Variants in SLC25A48 observed in about 807,000 individuals in gnomAD.
SLC25A48 encodes the protein CTC-321K16.1.
SLC25A48 carries 29 observed loss-of-function variants against 32.2 expected under a neutral mutation model. The ratio of observed to expected loss-of-function variants is 0.90; its 90% confidence interval spans 0.67 to 1.23. The LOEUF (loss-of-function observed/expected upper bound fraction) is 1.23, where lower values mean the gene tolerates loss of function less well. SLC25A48 is among the 50% of genes most tolerant of loss of function. The probability of loss-of-function intolerance (pLI) is 0.00; values close to 1 mark genes in which losing one functional copy is unlikely to be tolerated. For synonymous variants in SLC25A48, 164 were observed against 172.3 expected (o/e 0.95, Z 0.38); for missense variants, 399 against 422.7 (o/e 0.94, Z 0.49).
chr5:135,659,934 C>T (rs901451633), intron 3 of SLC25A48, among the ~76,000 whole-genome samples: 9 of 152,244 alleles, frequency 5.9e-5, no homozygotes, highest in African/African-American at 2.2e-4. Flanking sequence ...GTGTCCCACC[C>T]ACCTTCGGGA....
intron 3 of SLC25A48, among the ~76,000 whole-genome samples, chr5:135,747,821 T>G (rs1755675312): frequency 6.6e-6 from 1 of 152,252 alleles, no homozygotes; most frequent in Non-Finnish European, 1.5e-5. Context: ...TTCGTGTGAA[T>G]TACCTAATTT....
At chr5:135,686,951 T>C (rs1459831648) in intron 3 of SLC25A48, among the ~76,000 whole-genome samples, 1 of 152,050 alleles carries the variant, frequency 6.6e-6, no homozygotes, top group African/African-American at 2.4e-5. Context: ...GGGTTGTTTT[T>C]TTTTTTTCCA....
At chr5:135,801,415 T>C (rs1024645077) in intron 3 of SLC25A48, among the ~76,000 whole-genome samples, 3 of 150,580 alleles carry the variant, frequency 2.0e-5, no homozygotes, top group African/African-American at 7.3e-5. Context: ...TCATAGGAGG[T>C]GTACGTCTGC....
chr5:135,796,968 T>A (rs953315354), intron 3 of SLC25A48, among the ~76,000 whole-genome samples: 1 of 151,636 alleles, frequency 6.6e-6, no homozygotes, highest in Non-Finnish European at 1.5e-5. Context: ...TCTCCCAATA[T>A]CAAGGGTGGT....
chr5:135,879,306 G>A (rs1283672744), intron 6 of SLC25A48, among the ~76,000 whole-genome samples: 1 of 152,108 alleles, frequency 6.6e-6, no homozygotes, highest in Non-Finnish European at 1.5e-5. Flanking sequence ...CCGTGCAAGT[G>A]CCTGAAAAGC....
At chr5:135,864,594 C>A (rs925275444) in intron 4 of SLC25A48, among the ~76,000 whole-genome samples, 3 of 152,166 alleles carry the variant, frequency 2.0e-5, no homozygotes, top group African/African-American at 7.2e-5. Flanking sequence ...AGAGCTGGAG[C>A]AATGGCAGCC....
At chr5:135,793,671 T>C (rs188177873) in intron 3 of SLC25A48, among the ~76,000 whole-genome samples, 13 of 151,910 alleles carry the variant, frequency 8.6e-5, no homozygotes, top group Admixed American at 7.2e-4. Context: ...ATCTTGTTTG[T>C]ACATCCTGGG....
intron 4 of SLC25A48, among the ~76,000 whole-genome samples, chr5:135,818,025 G>T (rs1166803965): frequency 6.9e-6 from 1 of 145,228 alleles, no homozygotes; most frequent in Non-Finnish European, 1.5e-5. Flanking sequence ...CCATGCAGGG[G>T]AGAGTTTCCC....
intron 3 of SLC25A48, among the ~76,000 whole-genome samples, chr5:135,665,403 T>C (rs550579334): frequency 2.0e-5 from 3 of 152,354 alleles, no homozygotes; most frequent in African/African-American, 7.2e-5. Flanking sequence ...TTATTTCTTT[T>C]GCTGTACAAA....
intron 3 of SLC25A48, among the ~76,000 whole-genome samples, chr5:135,776,732 G>T (rs1396492197): frequency 6.6e-6 from 1 of 151,200 alleles, no homozygotes; most frequent in Non-Finnish European, 1.5e-5. Flanking sequence ...AAAACCCGGG[G>T]GGTGGGGAAA....
At chr5:135,670,232 T>C (rs1753622909) in intron 3 of SLC25A48, among the ~76,000 whole-genome samples, 1 of 151,936 alleles carries the variant, frequency 6.6e-6, no homozygotes, top group African/African-American at 2.4e-5. Flanking sequence ...GAAAAGGGAG[T>C]ATCAAGCAGG....
In SLC25A48 at chr5:135,627,472, G is replaced by C. The variant is rs1012969465; in HGVS notation, c.-848-1765G>C. 3.9e-5 allele frequency among the ~76,000 whole-genome samples: 6 copies of C among 152,062 alleles called. No homozygotes were observed. In the East Asian group the frequency reaches 1.2e-3, roughly 29 times the overall value. On this transcript the variant is annotated intron_variant, in intron 1 of 10. Coordinates refer to the SLC25A48 transcript ENST00000646290. ...GACCTTCGATCCTAGAAGTGGTGGC[G>C]GATTCCTGCTAGTGCTAAGCTCTGG...
rs1209953946 is a variant in SLC25A48, at chr5:135,871,495, T to C, written c.456T>C (p.Pro152=). ...NLGLKSRAVA[P]AEQPAYQGPV... is the part of the protein sequence containing the mutation. Reference sequence around the variant, plus strand: ...GTTTGAAGTCCAGGGCAGTGGCTCCTGCGGAGCAGCCAGCATACCAGGGGC... The same window carrying C: ...GTTTGAAGTCCAGGGCAGTGGCTCCCGCGGAGCAGCCAGCATACCAGGGGC... The change falls in exon 5 of 8, where the codon CCT becomes CCC. Residue 152 remains proline (P), a synonymous_variant. Transcript: ENST00000681962. 4 of 1,606,782 alleles carry C rather than the reference T, an allele frequency of 2.5e-6. No individual in the cohort carries two copies. Among genetic ancestry groups the C allele is most frequent in the East Asian group, 2.2e-5 (1 of 44,716 alleles).
chr5:135,794,272 G>A (rs1021738826), intron 3 of SLC25A48, among the ~76,000 whole-genome samples: 1 of 151,462 alleles, frequency 6.6e-6, no homozygotes, highest in Non-Finnish European at 1.5e-5. Context: ...TCCCAATATT[G>A]CGGGGGATAT....
chr5:135,598,570 C>A (rs1751713617), intron 1 of SLC25A48, among the ~76,000 whole-genome samples: 1 of 152,134 alleles, frequency 6.6e-6, no homozygotes, highest in African/African-American at 2.4e-5. Flanking sequence ...TAGCCTGTGG[C>A]AGAAGCTGAA....
At chr5:135,648,321 C>T (rs1753020813) in intron 3 of SLC25A48, among the ~76,000 whole-genome samples, 1 of 152,172 alleles carries the variant, frequency 6.6e-6, no homozygotes, top group Non-Finnish European at 1.5e-5. Flanking sequence ...CAGGGCACTC[C>T]TATCAGGCAG....
intron 4 of SLC25A48, chr5:135,825,043 C>G (rs558761035): frequency 1.3e-5 from 2 of 152,158 alleles, no homozygotes; most frequent in African/African-American, 4.8e-5. Context: ...GCCTGGGGAA[C>G]GTGGTTTCCT....
At chr5:135,644,912 C>T (rs1034675762) in intron 3 of SLC25A48, among the ~76,000 whole-genome samples, 24 of 152,108 alleles carry the variant, frequency 1.6e-4, no homozygotes, top group Non-Finnish European at 3.5e-4. Flanking sequence ...GCTGGGCTTA[C>T]CTACAGTGGA....
chr5:135,745,245 A>T (rs1350483369), intron 3 of SLC25A48, among the ~76,000 whole-genome samples: 2 of 152,222 alleles, frequency 1.3e-5, no homozygotes, highest in Non-Finnish European at 2.9e-5. Flanking sequence ...TCCTTATGGG[A>T]AACAAAGGGA....
Sources: gnomAD v4.1 joint callset for allele counts (sites outside exome capture counted in the v4.1 genomes callset) on GRCh38, gnomAD v4.1.1 for gene constraint, MANE v1.5 for transcripts, NCBI Gene and HGNC (gene_info 2026-07-23, HGNC 2026-07-21) for gene names.